Variants in POF1B observed in about 807,000 individuals in gnomAD.
The protein encoded by POF1B is POF1B actin binding protein.
A neutral mutation model predicts 55.3 loss-of-function variants in POF1B; 53 were observed. That is an observed-to-expected ratio of 0.96 (90% CI 0.77 to 1.20). The LOEUF is 1.20. Among genes scored for constraint, POF1B ranks in the 50% most tolerant of loss-of-function variants. The probability of loss-of-function intolerance (pLI) is 0.00; values close to 1 mark genes in which losing one functional copy is unlikely to be tolerated. For synonymous variants in POF1B, 188 were observed against 148.3 expected, an observed-to-expected ratio of 1.27 and a Z score of -1.95; for missense variants, 478 against 420.5, an observed-to-expected ratio of 1.14 and a Z score of -1.20.
chrX:85,310,575 T>A (rs945589206), intron 9 of POF1B, among the ~76,000 whole-genome samples: 1 of 111,533 alleles, frequency 9.0e-6, no homozygotes, highest in Non-Finnish European at 1.9e-5. Flanking sequence ...TTAGAAAAAA[T>A]TAAACAGAGC....
At chrX:85,362,568 A>G (rs1310261359) in intron 3 of POF1B, among the ~76,000 whole-genome samples, 1 of 112,030 alleles carries the variant, frequency 8.9e-6, no homozygotes, top group Non-Finnish European at 1.9e-5. Context: ...ATGCTGAACC[A>G]GTGTTGCATC....
At chrX:85,307,970 C>A (rs1932613936) in intron 10 of POF1B, among the ~76,000 whole-genome samples, 154 bp downstream of exon 10, 1 of 111,565 alleles carries the variant, frequency 9.0e-6, no homozygotes, top group Non-Finnish European at 1.9e-5. Context: ...CTCTCAATGC[C>A]AATTAACTGT....
intron 7 of POF1B, among the ~76,000 whole-genome samples, chrX:85,323,683 T>G (rs921435548): frequency 9.0e-6 from 1 of 111,373 alleles, no homozygotes; most frequent in African/African-American, 3.3e-5. Flanking sequence ...GATTCATTGC[T>G]CTTTTGTATG....
chrX:85,285,069 A>C (rs1932016989), intron 15 of POF1B, among the ~76,000 whole-genome samples: 1 of 112,197 alleles, frequency 8.9e-6, no homozygotes, highest in South Asian at 3.7e-4. Context: ...GCTCACCATC[A>C]CTGGCCATCA....
chrX:85,375,973 A>T (rs1333615694), intron 2 of POF1B, among the ~76,000 whole-genome samples: 1 of 111,275 alleles, frequency 9.0e-6, no homozygotes, highest in Non-Finnish European at 1.9e-5. Flanking sequence ...ACTCCTTTAA[A>T]ATGAAATATA....
At chrX:85,334,796 C>T (rs1933039390) in intron 6 of POF1B, among the ~76,000 whole-genome samples, 2 of 111,507 alleles carry the variant, frequency 1.8e-5, no homozygotes, top group Non-Finnish European at 3.8e-5. Context: ...TATTTGTGAT[C>T]TATGAGTAGT....
chrX:85,302,107 T>G (rs1206660336), intron 15 of POF1B, among the ~76,000 whole-genome samples: 1 of 111,313 alleles, frequency 9.0e-6, no homozygotes, highest in African/African-American at 3.3e-5. Flanking sequence ...GAATTGGATT[T>G]TTTTCTATAT....
chrX:85,366,645 G>A (rs1933728651), intron 3 of POF1B, among the ~76,000 whole-genome samples: 1 of 111,051 alleles, frequency 9.0e-6, no homozygotes, highest in Non-Finnish European at 1.9e-5. Context: ...CACTTTGTTG[G>A]TCCTATAGGG....
intron 7 of POF1B, among the ~76,000 whole-genome samples, chrX:85,323,898 G>A (rs1981632928): frequency 9.0e-6 from 1 of 111,357 alleles, no homozygotes; most frequent in Non-Finnish European, 1.9e-5. Context: ...ATATCCCAGA[G>A]GTTCTGATAT....
At chrX:85,280,066 A>G (rs977570419) in intron 16 of POF1B, among the ~76,000 whole-genome samples, 6 of 111,343 alleles carry the variant, frequency 5.4e-5, no homozygotes, top group African/African-American at 1.9e-4. Context: ...AAATGCAGTT[A>G]TTTTTACTTT....
chrX:85,367,217 T>C (rs766282500), intron 3 of POF1B, among the ~76,000 whole-genome samples: 1 of 111,921 alleles, frequency 8.9e-6, no homozygotes, highest in Non-Finnish European at 1.9e-5. Flanking sequence ...ACACAATGCC[T>C]AGATTCAAGA....
chrX:85,305,951 G>C, intron 12 of POF1B, 41 bp from the exon 13 acceptor site: 1 of 1,173,703 alleles, frequency 8.5e-7, no homozygotes, highest in East Asian at 3.0e-5. Flanking sequence ...GGATTGTTTT[G>C]AAGAAAATAC....
intron 6 of POF1B, among the ~76,000 whole-genome samples, chrX:85,340,629 G>C (rs1933153797): frequency 9.0e-6 from 1 of 110,958 alleles, no homozygotes; most frequent in Admixed American, 9.7e-5. Context: ...GTACTGATGT[G>C]GTTGGTGAAG....
At chrX:85,304,980 G>A (rs1381672851) in intron 13 of POF1B, among the ~76,000 whole-genome samples, 1 of 110,971 alleles carries the variant, frequency 9.0e-6, no homozygotes, top group African/African-American at 3.3e-5. Context: ...CTCCAAAACA[G>A]GTCTTCTGAC....
At chrX:85,301,784 A>G (rs2147901488) in intron 15 of POF1B, among the ~76,000 whole-genome samples, 1 of 112,177 alleles carries the variant, frequency 8.9e-6, no homozygotes, top group South Asian at 3.6e-4. Flanking sequence ...ATAGCAAAAT[A>G]GCTAATGTAA....
At chrX:85,291,364 G>A (rs751426725) in intron 15 of POF1B, among the ~76,000 whole-genome samples, 1 of 111,743 alleles carries the variant, frequency 8.9e-6, no homozygotes, top group African/African-American at 3.2e-5. Flanking sequence ...AAGTTGAGTA[G>A]TGTGATGCCC....
intron 15 of POF1B, among the ~76,000 whole-genome samples, chrX:85,285,678 C>G (rs1932035899): frequency 1.9e-5 from 2 of 106,779 alleles, no homozygotes; most frequent in Non-Finnish European, 3.9e-5. Context: ...GAAGGGATAG[C>G]ATTAGGAGAT....
chrX:85,289,414 C>G (rs988459945), intron 15 of POF1B, among the ~76,000 whole-genome samples: 1 of 112,016 alleles, frequency 8.9e-6, no homozygotes, highest in African/African-American at 3.2e-5. Flanking sequence ...CAAGGCTGCA[C>G]GCTCTCATGT....
chrX:85,314,539 A>T (rs1456404774), intron 8 of POF1B, 33 bp from the exon 9 acceptor site: 3 of 1,039,411 alleles, frequency 2.9e-6, no homozygotes, highest in Non-Finnish European at 3.9e-6. Context: ...CATGGAACAG[A>T]TACATATCAA....
Sources: allele counts gnomAD v4.1 joint callset (sites outside exome capture counted in the v4.1 genomes callset), GRCh38; gene constraint gnomAD v4.1.1; transcripts MANE v1.5; gene names NCBI Gene and HGNC (gene_info 2026-07-23, HGNC 2026-07-21).